The following ADK variants were observed in gnomAD, a reference collection of about 807,000 sequenced individuals.
ADK encodes the protein N6,N6-dimethyladenosine kinase.
A neutral mutation model predicts 44.7 loss-of-function variants in ADK; 24 were observed. That is an observed-to-expected ratio of 0.54 (90% CI 0.39 to 0.76). The LOEUF is 0.76. Ranked by LOEUF, ADK falls within the 30% of genes least tolerant of loss-of-function variation. ADK has a pLI of 0.00. For missense variants in ADK, 321 were observed against 425.1 expected (o/e 0.76, Z 2.15); for synonymous variants, 128 against 142.6 (o/e 0.90, Z 0.73).
intron 10 of ADK, among the ~76,000 whole-genome samples, chr10:74,695,064 ACT>A (rs1286829608): frequency 6.6e-6 from 1 of 151,848 alleles, no homozygotes; most frequent in Non-Finnish European, 1.5e-5. Context: ...TGCAATGGCA[ACT>A]CTGTTGTAGC....
chr10:74,262,235 G>A (rs933003691), intron 3 of ADK, among the ~76,000 whole-genome samples: 3 of 150,240 alleles, frequency 2.0e-5, no homozygotes, highest in Admixed American at 6.7e-5. Flanking sequence ...CAGGAGAATC[G>A]CTTGAACCTG....
intron 7 of ADK, among the ~76,000 whole-genome samples, chr10:74,562,039 G>C (rs1850482862): frequency 6.6e-6 from 1 of 152,138 alleles, no homozygotes; most frequent in South Asian, 2.1e-4. Context: ...CCTTCTCTAG[G>C]TCCCTAAAAG....
chr10:74,299,353 G>A lies in ADK; in HGVS notation c.195-15314G>A, dbSNP rs142930961. ...TACTTAAAAAAAAAAAAAAAAATTA[G>A]CAGCGTGTGGTGGCATATGCCTGTA... On this transcript the variant is annotated intron_variant, in intron 3 of 10. Coordinates refer to ENST00000539909, the MANE Select transcript of ADK (RefSeq NM_006721.4). Among the ~76,000 whole-genome samples the A allele has an allele frequency of 6.2e-3, 880 of 141,226 alleles. 5 individuals carry two copies. Among genetic ancestry groups the A allele is most frequent in the Middle Eastern group, 0.011 (3 of 282 alleles). 92.6% of individuals were successfully genotyped at this position (141,226 alleles called of 152,430 possible).
intron 6 of ADK, among the ~76,000 whole-genome samples, chr10:74,489,920 T>G (rs1416354625): frequency 1.3e-5 from 2 of 152,020 alleles, no homozygotes; most frequent in East Asian, 3.8e-4. Flanking sequence ...CAATGCTCTC[T>G]TAAGAGATTC....
At chr10:74,399,528 TAC>T (rs1478768610) in intron 6 of ADK, among the ~76,000 whole-genome samples, 2 of 151,950 alleles carry the variant, frequency 1.3e-5, no homozygotes, top group Non-Finnish European at 2.9e-5. Flanking sequence ...AATAAATGCT[TAC>T]ATTGAGAAGA....
At chr10:74,153,139 C>T (rs61863614) in intron 1 of ADK, among the ~76,000 whole-genome samples, 4,765 of 152,212 alleles carry the variant, frequency 0.031, 123 homozygotes, top group Middle Eastern at 0.048. Flanking sequence ...TGTGCAGCAT[C>T]AGTGGGAACA....
At chr10:74,668,514 A>G (rs1032511046) in intron 9 of ADK, among the ~76,000 whole-genome samples, 18 of 152,216 alleles carry the variant, frequency 1.2e-4, no homozygotes, top group Admixed American at 1.0e-3. Flanking sequence ...AGGCAGTCAG[A>G]TCACTTGAGG....
chr10:74,505,453 T>G (rs1848031439), intron 6 of ADK, among the ~76,000 whole-genome samples: 1 of 152,204 alleles, frequency 6.6e-6, no homozygotes, highest in African/African-American at 2.4e-5. Flanking sequence ...TCCTGTGATA[T>G]GGTGTCTGTT....
intron 7 of ADK, among the ~76,000 whole-genome samples, chr10:74,564,314 T>C (rs1302938995): frequency 1.3e-5 from 2 of 152,190 alleles, no homozygotes; most frequent in African/African-American, 2.4e-5. Context: ...AGAAAAACAC[T>C]ATATTACATT....
chr10:74,632,466 C>T (rs1306498889), intron 9 of ADK, among the ~76,000 whole-genome samples: 2 of 152,144 alleles, frequency 1.3e-5, no homozygotes, highest in African/African-American at 2.4e-5. Flanking sequence ...CCTCTGAAAA[C>T]TCTAGGAAAT....
At chr10:74,401,058 G>T (rs1372758952) in intron 6 of ADK, among the ~76,000 whole-genome samples, 1 of 152,134 alleles carries the variant, frequency 6.6e-6, no homozygotes, top group Admixed American at 6.6e-5. Flanking sequence ...CATAATAAAT[G>T]TCTCATTTTA....
intron 6 of ADK, among the ~76,000 whole-genome samples, chr10:74,462,492 C>T (rs1589135128): frequency 6.6e-6 from 1 of 152,098 alleles, no homozygotes; most frequent in Non-Finnish European, 1.5e-5. Flanking sequence ...CTAGAACTCA[C>T]TACTGAAATT....
intron 9 of ADK, among the ~76,000 whole-genome samples, chr10:74,661,536 C>T (rs1267711981): frequency 6.6e-6 from 1 of 152,096 alleles, no homozygotes; most frequent in Non-Finnish European, 1.5e-5. Flanking sequence ...CGTTGCATTC[C>T]ATTGCCTGAT....
chr10:74,423,024 TG>T lies in ADK; in HGVS notation c.555+24447del, dbSNP rs111230592. On this transcript the variant is annotated intron_variant, in intron 6 of 10. Transcript: ENST00000539909. ...ACCCAAGACCACGCCAAACAAGATA[TG>T]GATGTAGATGCTCTTGCTGAGTCTG... Among the ~76,000 whole-genome samples the T allele has an allele frequency of 5.0e-3, 764 of 151,978 alleles. 11 individuals are homozygous for T. The highest frequency in any genetic ancestry group is 0.017 in the African/African-American group (713 of 41,418).
At chr10:74,695,624 G>A (rs1324566218) in intron 10 of ADK, among the ~76,000 whole-genome samples, 2 of 49,308 alleles carry the variant, frequency 4.1e-5, no homozygotes, top group South Asian at 3.9e-4. Flanking sequence ...TGTGGGGTGT[G>A]TGTGTGTGTG....
intron 9 of ADK, among the ~76,000 whole-genome samples, chr10:74,638,108 A>G (rs990061296): frequency 1.1e-4 from 17 of 152,216 alleles, no homozygotes; most frequent in African/African-American, 3.6e-4. Flanking sequence ...CAATGTAGGT[A>G]ACCTGAGGTA....
intron 10 of ADK, among the ~76,000 whole-genome samples, chr10:74,701,729 T>C (rs1053242468): frequency 6.6e-6 from 1 of 152,106 alleles, no homozygotes; most frequent in Non-Finnish European, 1.5e-5. Flanking sequence ...CGGATCACCT[T>C]AGGTTGGGAG....
intron 1 of ADK, chr10:74,176,486 G>A: frequency 8.6e-7 from 1 of 1,158,474 alleles, no homozygotes; most frequent in Non-Finnish European, 1.1e-6. Flanking sequence ...GTTGCCAGAG[G>A]CGCGGCCATT....
chr10:74,458,119 CTTTTTTTT>C (rs1172945144), intron 6 of ADK, among the ~76,000 whole-genome samples: 3 of 74,476 alleles, frequency 4.0e-5, no homozygotes, highest in Admixed American at 2.1e-4. Context: ...TGCATTAAAA[CTTTTTTTT>C]TTTTTTTTTT....
Sources: allele counts gnomAD v4.1 joint callset (sites outside exome capture counted in the v4.1 genomes callset), GRCh38; gene constraint gnomAD v4.1.1; transcripts MANE v1.5; gene names NCBI Gene and HGNC (gene_info 2026-07-23, HGNC 2026-07-21).